Variants in RFX2 observed in about 807,000 individuals in gnomAD.
The protein encoded by RFX2 is DNA-binding protein RFX2.
A neutral mutation model predicts 87.8 loss-of-function variants in RFX2; 20 were observed. The ratio of observed to expected loss-of-function variants is 0.23; its 90% CI spans 0.16 to 0.33. The LOEUF (loss-of-function observed/expected upper bound fraction) is 0.33. Ranked by LOEUF, RFX2 falls within the 10% of genes least tolerant of loss-of-function variation. RFX2 has a pLI of 1.00. For synonymous variants in RFX2, 397 were observed against 431.3 expected, an observed-to-expected ratio of 0.92 and a Z score of 0.98; for missense variants, 767 against 1,012.3, an observed-to-expected ratio of 0.76 and a Z score of 3.29.
intron 5 of RFX2, among the ~76,000 whole-genome samples, chr19:6,037,953 T>C (rs919168279): frequency 2.0e-5 from 3 of 151,648 alleles, no homozygotes; most frequent in African/African-American, 7.3e-5. Context: ...CATTGTTTCA[T>C]AAGCAAAAAA....
At position 6,047,269 on chromosome 19, in the gene RFX2, ACAG is replaced by A; in HGVS notation, c.90+135_90+137del. On this transcript the variant is annotated intron_variant, in intron 2 of 17. Transcript: ENST00000303657. This position sits in a 1 kb window ranked among gnomAD's most constrained non-coding sequence, Gnocchi z 4.2. Reference sequence around the variant, plus strand: ...AGTTAAGGAAATTGTGCCTATTTCAACAGCAGCAGCACTGGGACTGAGAAGTCC... The same window carrying A: ...AGTTAAGGAAATTGTGCCTATTTCAACAGCAGCACTGGGACTGAGAAGTCC... 1.5e-6 allele frequency: 1 copy of A among 648,718 alleles called. No individual in the cohort carries two copies. Among genetic ancestry groups the A allele is most frequent in the Non-Finnish European group, 2.5e-6 (1 of 393,528 alleles). 40.2% of individuals were successfully genotyped at this position (648,718 alleles called of 1,614,324 possible).
chr19:6,008,675 A>ATTTT (rs1284518775), intron 9 of RFX2, among the ~76,000 whole-genome samples: 2 of 79,272 alleles, frequency 2.5e-5, no homozygotes, highest in African/African-American at 5.2e-5. Context: ...ATGCCCGGCC[A>ATTTT]TTTTTTTTTT....
At chr19:6,059,104 C>A (rs1169621738) in intron 1 of RFX2, among the ~76,000 whole-genome samples, 6 of 152,056 alleles carry the variant, frequency 3.9e-5, no homozygotes, top group African/African-American at 1.4e-4. Flanking sequence ...CTTAGCCAAC[C>A]GAGTAGCTGG....
chr19:6,032,815 G>T (rs937218043), intron 5 of RFX2, among the ~76,000 whole-genome samples: 2 of 152,142 alleles, frequency 1.3e-5, no homozygotes, highest in Non-Finnish European at 2.9e-5. Flanking sequence ...TTGAGACAGG[G>T]TCTCCTTCTG....
chr19:6,000,546 A>G (rs374430296), intron 15 of RFX2, among the ~76,000 whole-genome samples: 5 of 152,326 alleles, frequency 3.3e-5, no homozygotes, highest in East Asian at 1.9e-4. Flanking sequence ...TGAATCATGG[A>G]GACAGATGTT....
At chr19:6,059,738 A>AACAC (rs145515071) in intron 1 of RFX2, among the ~76,000 whole-genome samples, 1 of 151,940 alleles carries the variant, frequency 6.6e-6, no homozygotes, top group East Asian at 1.9e-4. Flanking sequence ...CATATACACA[A>AACAC]ACACACACAC....
chr19:6,071,046 C>T (rs1315953381), intron 1 of RFX2, among the ~76,000 whole-genome samples: 2 of 152,230 alleles, frequency 1.3e-5, no homozygotes, highest in East Asian at 1.9e-4. Context: ...TTACTCCATA[C>T]CTCTTTTCAA....
At chr19:6,051,687 C>T (rs1382436025) in intron 1 of RFX2, among the ~76,000 whole-genome samples, 1 of 152,024 alleles carries the variant, frequency 6.6e-6, no homozygotes, top group Non-Finnish European at 1.5e-5. Context: ...TAAATCTAGA[C>T]ATATTAATAA....
rs2086547951 is a variant in RFX2 at position 6,004,400 on chromosome 19, C to G, written c.1403-102G>C. The G allele has an allele frequency of 1.0e-6, 1 of 971,786 alleles. No homozygotes were observed. The highest frequency in any genetic ancestry group is 1.7e-6 in the Non-Finnish European group (1 of 604,442). The allele number at this position is 971,786 out of a possible 1,614,324, so 60.2% of individuals were successfully genotyped here. A position where few individuals can be genotyped will look rare whatever the true frequency, so the allele number is the denominator to read the frequency against. On this transcript the variant is annotated intron_variant, in intron 12 of 17. Coordinates refer to ENST00000303657, the MANE Select transcript of RFX2 (RefSeq NM_000635.4). The surrounding 1 kb of genome is among the most constrained non-coding windows in gnomAD (Gnocchi z 4.8). ...GCTGGCCCAAGTGCGATGAAAATGACCACCATGAAGAACGAGCCACACAGG... is the reference window on the plus strand; with the variant it reads ...GCTGGCCCAAGTGCGATGAAAATGAGCACCATGAAGAACGAGCCACACAGG...
intron 9 of RFX2, among the ~76,000 whole-genome samples, chr19:6,008,550 T>G (rs1167681630): frequency 6.6e-6 from 1 of 152,054 alleles, no homozygotes; most frequent in Non-Finnish European, 1.5e-5. Context: ...TTTTGCATTT[T>G]TTAGTAGAGA....
rs1290584985 is a variant in RFX2, at chr19:5,993,300, T to C, written c.*1535A>G. 1 of 152,220 alleles carries C rather than the reference T, an allele frequency of 6.6e-6. No individual in the cohort carries two copies. The highest frequency in any genetic ancestry group is 2.4e-5 in the African/African-American group (1 of 41,452). 9.4% of individuals were successfully genotyped at this position (152,220 alleles called of 1,614,324 possible). A position where few individuals can be genotyped will look rare whatever the true frequency, so the allele number is the denominator to read the frequency against. ...GACATTCTTTCTGTCTGATTTCAAC[T>C]AAGGTTTGGGCTATACGACCAGACA... is the stretch of plus-strand genomic sequence containing the variant. On this transcript the variant is annotated 3_prime_UTR_variant, in exon 18 of 18. Transcript: ENST00000303657.
At chr19:6,104,611 T>G (rs2088182154) in intron 1 of RFX2, among the ~76,000 whole-genome samples, 1 of 151,892 alleles carries the variant, frequency 6.6e-6, no homozygotes, top group Non-Finnish European at 1.5e-5. Flanking sequence ...GTCGCTATGT[T>G]GCCCAGGCTG....
At position 5,994,497 on chromosome 19, in the gene RFX2, C is replaced by T. The variant is rs1359468843; in HGVS notation, c.*338G>A. Reference sequence around the variant, plus strand: ...CAGAGGCCAGTGCTCTCAGCACAGCCCTTTCAGCTCTTAAAGGGACTGGGG... The same window carrying T: ...CAGAGGCCAGTGCTCTCAGCACAGCTCTTTCAGCTCTTAAAGGGACTGGGG... On this transcript the variant is annotated 3_prime_UTR_variant, in exon 18 of 18. Transcript: ENST00000303657. 2 of 286,140 alleles carry T rather than the reference C, an allele frequency of 7.0e-6. No homozygotes were observed. The highest frequency in any genetic ancestry group is 4.5e-5 in the Admixed American group (1 of 22,282). 17.7% of individuals were successfully genotyped at this position (286,140 alleles called of 1,614,324 possible).
Position 6,011,346 on chromosome 19 carries a change from G to A in RFX2, c.900-1095C>T, listed in dbSNP as rs2086657268. Among the ~76,000 whole-genome samples the A allele has an allele frequency of 6.6e-6, 1 of 152,120 alleles. No individual in the cohort carries two copies. Among genetic ancestry groups the A allele is most frequent in the Non-Finnish European group, 1.5e-5 (1 of 68,022 alleles). ...CGGTGTGTGGTGTGGTGGGGGCAGG[G>A]AGGGAGCCGGCTTGAGCTGGAGCAT... On this transcript the variant is annotated intron_variant, in intron 8 of 17. Transcript: ENST00000303657. This position sits in a 1 kb window ranked among gnomAD's most constrained non-coding sequence, Gnocchi z 4.8.
chr19:6,069,186 C>T (rs2087558112), intron 1 of RFX2, among the ~76,000 whole-genome samples: 1 of 152,170 alleles, frequency 6.6e-6, no homozygotes, highest in African/African-American at 2.4e-5. Flanking sequence ...AAGTCTCAGG[C>T]TGAGGGGTGA....
At chr19:6,075,268 A>AAGGGGGAGGAGG (rs2087675121) in intron 1 of RFX2, among the ~76,000 whole-genome samples, 1 of 148,998 alleles carries the variant, frequency 6.7e-6, no homozygotes, top group African/African-American at 2.6e-5. Flanking sequence ...AGAGGAGGAG[A>AAGGGGGAGGAGG]AGGTGGAGGA....
rs750467379 is a variant in RFX2, at chr19:6,040,061, G to A, written c.441C>T (p.Ser147=). ...MDVGGSPIVS[S]AGAYLIHGGM... ...CCCCGTGGATGAGATAGGCTCCCGC[G>A]CTGGAGACGATGGGGCTCCCCCCGA... Residue 147 remains serine (S), a synonymous_variant, in exon 5 of 18, where the codon AGC becomes AGT. Coordinates refer to ENST00000303657, the MANE Select transcript of RFX2 (RefSeq NM_000635.4). The surrounding 1 kb of genome is among the most constrained non-coding windows in gnomAD (Gnocchi z 6.1). The A allele has an allele frequency of 1.3e-4, 215 of 1,611,850 alleles. 1 individual carries two copies. The highest frequency in any genetic ancestry group is 4.6e-5 in the Non-Finnish European group (54 of 1,179,606).
At position 5,998,233 on chromosome 19, in the gene RFX2, G is replaced by C. The variant is rs965784497; in HGVS notation, c.1860-1020C>G. Among the ~76,000 whole-genome samples, 4 of 152,150 alleles carry C rather than the reference G, an allele frequency of 2.6e-5. No individual in the cohort carries two copies. Among genetic ancestry groups the C allele is most frequent in the African/African-American group, 7.2e-5 (3 of 41,432 alleles). ...TAAGGCAGGAAAATTGCTTGAACCT[G>C]GGAGGCGGAGGCTGCAGTGAGCCGA... On this transcript the variant is annotated intron_variant, in intron 15 of 17. Transcript: ENST00000303657. This position sits in a 1 kb window ranked among gnomAD's most constrained non-coding sequence, Gnocchi z 4.2.
chr19:6,041,967 G>C, intron 4 of RFX2, 77 bp downstream of exon 4: 3 of 1,110,106 alleles, frequency 2.7e-6, no homozygotes, highest in Non-Finnish European at 4.2e-6. Flanking sequence ...AGAGGAATTT[G>C]CTTGATGCCT....
Sources: gnomAD v4.1 joint callset for allele counts (sites outside exome capture counted in the v4.1 genomes callset) on GRCh38, gnomAD v4.1.1 for gene constraint, Gnocchi (gnomAD v3.1) non-coding constraint, MANE v1.5 for transcripts, NCBI Gene and HGNC (gene_info 2026-07-23, HGNC 2026-07-21) for gene names.